Variants in MS4A15 observed in about 807,000 individuals in gnomAD.
MS4A15 encodes membrane spanning 4-domains A15.
A neutral mutation model predicts 20.6 loss-of-function variants in MS4A15; 22 were observed. The observed-to-expected ratio is 1.07, with a 90% CI of 0.76 to 1.52. The LOEUF (loss-of-function observed/expected upper bound fraction) is 1.52. Ranked by LOEUF, MS4A15 falls within the 40% of genes most tolerant of loss-of-function variation. The probability of loss-of-function intolerance (pLI) is 0.00; values close to 1 mark genes in which losing one functional copy is unlikely to be tolerated. For missense variants in MS4A15, 312 were observed against 323.0 expected, an observed-to-expected ratio of 0.97 and a Z score of 0.26; for synonymous variants, 129 against 129.3, an observed-to-expected ratio of 1.00 and a Z score of 0.02.
intron 3 of MS4A15, among the ~76,000 whole-genome samples, chr11:60,769,260 G>A (rs1056035047): frequency 5.9e-5 from 9 of 152,234 alleles, no homozygotes; most frequent in Admixed American, 4.6e-4. Context: ...TTTAATCATT[G>A]TGTTGGATCT....
intron 6 of MS4A15, 24 bp downstream of exon 6, chr11:60,773,974 C>G (rs535424358): frequency 8.2e-6 from 13 of 1,580,792 alleles, no homozygotes; most frequent in Admixed American, 3.3e-5. Flanking sequence ...CCCCCACCCC[C>G]ACGTCCACTA....
intron 4 of MS4A15, among the ~76,000 whole-genome samples, chr11:60,772,477 C>T (rs1590985709): frequency 6.6e-6 from 1 of 152,292 alleles, no homozygotes; most frequent in East Asian, 1.9e-4. Context: ...ACCTGACTTA[C>T]TCTCTCCTGG....
intron 1 of MS4A15, among the ~76,000 whole-genome samples, chr11:60,761,856 A>T (rs561463940): frequency 1.3e-5 from 2 of 152,370 alleles, no homozygotes; most frequent in South Asian, 4.1e-4. Context: ...GAGCAGAATC[A>T]ATCCTTTTAT....
At chr11:60,766,685 G>T (rs1017714205) in intron 2 of MS4A15, among the ~76,000 whole-genome samples, 2 of 152,240 alleles carry the variant, frequency 1.3e-5, no homozygotes, top group Non-Finnish European at 2.9e-5. Flanking sequence ...TCATGTCCAT[G>T]AATATCCAAA....
At chr11:60,763,598 C>T (rs535871958) in intron 1 of MS4A15, 108 bp from the exon 2 acceptor site, 2 of 877,000 alleles carry the variant, frequency 2.3e-6, no homozygotes, top group African/African-American at 1.7e-5. Context: ...GCGTTTGGGG[C>T]CATACTGGCA....
At chr11:60,768,980 C>A (rs1853956771) in intron 3 of MS4A15, among the ~76,000 whole-genome samples, 1 of 152,166 alleles carries the variant, frequency 6.6e-6, no homozygotes, top group Non-Finnish European at 1.5e-5. Context: ...CCTGGCCATC[C>A]TTGGGGACAA....
At chr11:60,760,947 T>C (rs929629967) in intron 1 of MS4A15, among the ~76,000 whole-genome samples, 2 of 152,192 alleles carry the variant, frequency 1.3e-5, no homozygotes, top group Admixed American at 1.3e-4. Context: ...CAGTTTCTTA[T>C]GTATCTGGGG....
At chr11:60,761,220 G>A (rs1590974758) in intron 1 of MS4A15, among the ~76,000 whole-genome samples, 1 of 152,238 alleles carries the variant, frequency 6.6e-6, no homozygotes, top group Non-Finnish European at 1.5e-5. Context: ...ATAACTCCTT[G>A]GTTGTATTGT....
At chr11:60,771,128 C>G (rs1416583851) in intron 3 of MS4A15, among the ~76,000 whole-genome samples, 163 bp from the exon 4 acceptor site, 1 of 152,208 alleles carries the variant, frequency 6.6e-6, no homozygotes, top group East Asian at 1.9e-4. Context: ...GTTCTCTGGA[C>G]AGGGGACACC....
rs1482002619 is a variant in MS4A15, at chr11:60,773,457, G to A, written c.471G>A (p.Leu157=). 6.2e-7 allele frequency: 1 copy of A among 1,613,976 alleles called. No homozygotes were observed. The highest frequency in any genetic ancestry group is 8.5e-7 in the Non-Finnish European group (1 of 1,179,998). ...CGGCCTTTGCTGGGACAGCCATTCT[G>A]CTCATGGATTTTGGTGTTACCAACC... ...VMAAFAGTAI[L]LMDFGVTNRD... Residue 157 remains leucine, a synonymous_variant, in exon 5 of 7, where the codon CTG becomes CTA. Coordinates refer to ENST00000405633, the MANE Select transcript of MS4A15 (RefSeq NM_001098835.2).
chr11:60,767,528 C>A lies in MS4A15; in HGVS notation c.226-5C>A. 6.6e-7 allele frequency: 1 copy of A among 1,519,132 alleles called. No individual in the cohort carries two copies. The highest frequency in any genetic ancestry group is 8.9e-7 in the Non-Finnish European group (1 of 1,127,926). 94.1% of individuals were successfully genotyped at this position (1,519,132 alleles called of 1,614,324 possible). On this transcript the variant is annotated splice_region_variant and splice_polypyrimidine_tract_variant and intron_variant, in intron 2 of 6. Transcript: ENST00000405633. ...CGCGGCACTGAGCCTCGGGGCTTCC[C>A]GCAGACGGTGCAGATCCTCATCGGC...
In MS4A15 at chr11:60,773,415, C is replaced by T. The variant is rs530687753; in HGVS notation, c.429C>T (p.Asn143=). 1.2e-5 allele frequency: 19 copies of T among 1,613,466 alleles called. No homozygotes were observed. In the East Asian group the frequency reaches 4.2e-4, roughly 36 times the overall value. ...AGGTGAGGAGCAGCCTGGGCACCAA[C>T]ATCCTCAGCGTCATGGCGGCCTTTG... ...SCLVRSSLGT[N]ILSVMAAFAG... The change falls in exon 5 of 7, where the codon AAC becomes AAT. Residue 143 remains asparagine, a synonymous_variant. Coordinates refer to ENST00000405633, the MANE Select transcript of MS4A15 (RefSeq NM_001098835.2).
At chr11:60,767,818 G>C (rs1471781685) in intron 3 of MS4A15, among the ~76,000 whole-genome samples, 163 bp downstream of exon 3, 3 of 152,148 alleles carry the variant, frequency 2.0e-5, no homozygotes, top group African/African-American at 7.2e-5. Context: ...CTCCTTGCCG[G>C]AAACGCTCAC....
intron 2 of MS4A15, 126 bp from the exon 3 acceptor site, chr11:60,767,406 GA>G: frequency 8.3e-6 from 10 of 1,198,084 alleles, no homozygotes; most frequent in Non-Finnish European, 1.1e-5. Flanking sequence ...CTAAAGAACA[GA>G]ATCTGAGTTT....
Position 60,773,460 on chromosome 11 carries a change from C to G in MS4A15, c.474C>G (p.Leu158=). The part of the protein sequence containing the change: ...MAAFAGTAIL[L]MDFGVTNRDV... ...CCTTTGCTGGGACAGCCATTCTGCT[C>G]ATGGATTTTGGTGTTACCAACCGGG... The change falls in exon 5 of 7, where the codon CTC becomes CTG. Residue 158 remains leucine, a synonymous_variant. Coordinates refer to ENST00000405633, the MANE Select transcript of MS4A15 (RefSeq NM_001098835.2). 1 of 1,614,000 alleles carries G rather than the reference C, an allele frequency of 6.2e-7. No homozygotes were observed. Among genetic ancestry groups the G allele is most frequent in the Non-Finnish European group, 8.5e-7 (1 of 1,179,992 alleles).
Position 60,773,931 on chromosome 11 carries a change from T to C in MS4A15, c.593T>C (p.Ile198Thr), listed in dbSNP as rs1162919356. 1 of 1,613,970 alleles carries C rather than the reference T, an allele frequency of 6.2e-7. No individual in the cohort carries two copies. The highest frequency in any genetic ancestry group is 1.1e-5 in the South Asian group (1 of 91,070). ...VIAMHFGCQA[I>T]HAQASAPVIF... Reference sequence around the variant, plus strand: ...GCCATGCACTTCGGGTGCCAAGCCATCCATGCCCAGGCCAGTGCAGTGAGT... The same window carrying C: ...GCCATGCACTTCGGGTGCCAAGCCACCCATGCCCAGGCCAGTGCAGTGAGT... Residue 198 changes from isoleucine to threonine, a missense_variant, in exon 6 of 7, where the codon ATC becomes ACC. Ile to Thr is a moderately conservative substitution (Grantham distance 89). Transcript: ENST00000405633.
intron 2 of MS4A15, among the ~76,000 whole-genome samples, chr11:60,767,283 C>T (rs901926196): frequency 1.3e-5 from 2 of 152,210 alleles, no homozygotes; most frequent in African/African-American, 2.4e-5. Context: ...TGGATCAGAG[C>T]AGAAAACAGG....
chr11:60,773,367 GCTC>G, intron 4 of MS4A15, 22 bp from the exon 5 acceptor site: 1 of 1,595,920 alleles, frequency 6.3e-7, no homozygotes, highest in South Asian at 1.1e-5. Context: ...TATTCCCTCT[GCTC>G]CTGTCTCTCT....
chr11:60,767,422 C>A, intron 2 of MS4A15, 111 bp from the exon 3 acceptor site: 1 of 1,294,396 alleles, frequency 7.7e-7, no homozygotes, highest in Non-Finnish European at 1.0e-6. Flanking sequence ...GAGTTTCTTT[C>A]CCAGTGGCCA....
Sources: allele counts gnomAD v4.1 joint callset (sites outside exome capture counted in the v4.1 genomes callset), GRCh38; gene constraint gnomAD v4.1.1; transcripts MANE v1.5; gene names NCBI Gene and HGNC (gene_info 2026-07-23, HGNC 2026-07-21).